The following ARID1B variants were observed in gnomAD, a reference collection of about 807,000 sequenced individuals.
ARID1B encodes the protein AT-rich interaction domain 1B.
In ARID1B, 30 loss-of-function variants were observed where a neutral mutation model predicts 212.3. The observed-to-expected ratio is 0.14, with a 90% CI of 0.11 to 0.19. The LOEUF is 0.19. Among genes scored for constraint, ARID1B ranks in the 10% least tolerant of loss-of-function variants. ARID1B has a pLI of 1.00. For missense variants in ARID1B, 2,891 were observed against 3,204.0 expected (o/e 0.90, Z 2.36); for synonymous variants, 1,402 against 1,301.7 (o/e 1.08, Z -1.66).
chr6:156,881,531 T>C (rs1044465374), intron 2 of ARID1B, among the ~76,000 whole-genome samples: 1 of 152,190 alleles, frequency 6.6e-6, no homozygotes, highest in Non-Finnish European at 1.5e-5. Context: ...AAATGGCATA[T>C]TGTCTTCGGT....
chr6:157,073,258 A>G (rs1310761775), intron 4 of ARID1B, among the ~76,000 whole-genome samples: 1 of 151,922 alleles, frequency 6.6e-6, no homozygotes, highest in African/African-American at 2.4e-5. Flanking sequence ...GTACACCACA[A>G]CACCTGCCTA....
At chr6:157,147,914 C>T in intron 7 of ARID1B, among the ~76,000 whole-genome samples, 1 of 117,536 alleles carries the variant, frequency 8.5e-6, no homozygotes, top group Non-Finnish European at 1.7e-5. Context: ...CGACCCTGCC[C>T]GCCCGCCCTC....
chr6:157,170,961 A>G (rs746411835), intron 9 of ARID1B, among the ~76,000 whole-genome samples: 4 of 152,162 alleles, frequency 2.6e-5, no homozygotes, highest in Non-Finnish European at 5.9e-5. Context: ...GAAATCAAAT[A>G]TTTTGCAGTC....
At chr6:156,839,996 C>G (rs1184066173) in intron 2 of ARID1B, among the ~76,000 whole-genome samples, 2 of 152,234 alleles carry the variant, frequency 1.3e-5, no homozygotes, top group Non-Finnish European at 2.9e-5. Context: ...GGAGGCAGAA[C>G]TTTGTGGTTG....
chr6:157,114,523 C>CAAAAAAAAAAAA (rs111845551), intron 6 of ARID1B, among the ~76,000 whole-genome samples: 13 of 50,408 alleles, frequency 2.6e-4, no homozygotes, highest in African/African-American at 8.7e-4. Flanking sequence ...CACTCCGTCT[C>CAAAAAAAAAAAA]AAAAAAAAAA....
At chr6:156,897,952 C>A (rs562419284) in intron 2 of ARID1B, among the ~76,000 whole-genome samples, 323 of 152,268 alleles carry the variant, frequency 2.1e-3, no homozygotes, top group Admixed American at 3.7e-3. Flanking sequence ...ACGCTCAGAT[C>A]CTTTTCCAGG....
intron 4 of ARID1B, among the ~76,000 whole-genome samples, chr6:157,052,810 C>G (rs1782695180): frequency 6.6e-6 from 1 of 152,100 alleles, no homozygotes; most frequent in South Asian, 2.1e-4. Context: ...ACCTCTGACT[C>G]TCTGGTTCAA....
chr6:157,080,085 T>G (rs1473369950), intron 4 of ARID1B, among the ~76,000 whole-genome samples: 3 of 152,182 alleles, frequency 2.0e-5, no homozygotes, highest in Non-Finnish European at 4.4e-5. Flanking sequence ...TTGAAATATC[T>G]TCTCTATTTC....
chr6:156,866,061 C>T (rs1486945474), intron 2 of ARID1B, among the ~76,000 whole-genome samples: 1 of 152,128 alleles, frequency 6.6e-6, no homozygotes, highest in Non-Finnish European at 1.5e-5. Flanking sequence ...CTGTGGGGAC[C>T]TTGGTGGGCT....
chr6:156,993,521 C>A (rs1778393200), intron 4 of ARID1B, among the ~76,000 whole-genome samples: 1 of 152,076 alleles, frequency 6.6e-6, no homozygotes, highest in Admixed American at 6.5e-5. Flanking sequence ...TACAGATAGA[C>A]GTGATGCTTG....
intron 6 of ARID1B, among the ~76,000 whole-genome samples, chr6:157,120,729 T>A (rs2128548275): frequency 6.6e-6 from 1 of 152,298 alleles, no homozygotes; most frequent in South Asian, 2.1e-4. Context: ...TTGAACTGGC[T>A]TGAAGAGACA....
intron 4 of ARID1B, among the ~76,000 whole-genome samples, chr6:157,048,621 A>C (rs377114304): frequency 8.5e-5 from 13 of 152,224 alleles, no homozygotes; most frequent in African/African-American, 2.9e-4. Flanking sequence ...TATTGAAGGA[A>C]TACATTGTCT....
chr6:157,120,565 C>T (rs748119015), intron 6 of ARID1B, among the ~76,000 whole-genome samples: 1 of 151,958 alleles, frequency 6.6e-6, no homozygotes, highest in Admixed American at 6.6e-5. Flanking sequence ...TTAAATGTAA[C>T]GAGAATATTT....
intron 7 of ARID1B, among the ~76,000 whole-genome samples, chr6:157,141,933 T>C (rs1277546385): frequency 3.3e-5 from 5 of 152,204 alleles, no homozygotes; most frequent in Non-Finnish European, 5.9e-5. Flanking sequence ...CCAAGAAAGA[T>C]GAAACATATT....
chr6:157,010,187 G>A (rs1245302699), intron 4 of ARID1B, among the ~76,000 whole-genome samples: 2 of 151,674 alleles, frequency 1.3e-5, no homozygotes, highest in Non-Finnish European at 2.9e-5. Context: ...TCTATCTTTG[G>A]GTAATCTTGA....
chr6:156,778,467 A>C lies in ARID1B; in HGVS notation c.787A>C (p.Ser263Arg), dbSNP rs1185988659. 7.5e-7 allele frequency: 1 copy of C among 1,325,294 alleles called. No homozygotes were observed. The highest frequency in any genetic ancestry group is 3.1e-5 in the East Asian group (1 of 32,264). The allele number at this position is 1,325,294 out of a possible 1,614,324, so 82.1% of individuals were successfully genotyped here. Residue 263 changes from serine (S) to arginine (R), a missense_variant, in exon 1 of 20, where the codon AGC becomes CGC. By Grantham distance (110) the Ser-to-Arg change is moderately radical (BLOSUM62 -1). Around this residue, in one of 7 missense-constraint regions of ARID1B, gnomAD observed 1,643 missense variants for 1,544.0 expected, o/e 1.06. Coordinates refer to ENST00000636930, the MANE Select transcript of ARID1B (RefSeq NM_001374828.1). The part of the protein sequence containing the change: ...QADPPGPPLL[S>R]KPGDEDDAPP... ...CGACCCCCCGGGCCCGCCGCTGCTG[A>C]GCAAGCCGGGCGACGAGGACGACGC... is the stretch of plus-strand genomic sequence containing the variant.
In ARID1B at chr6:156,928,281, G is replaced by T. The variant is rs138457744; in HGVS notation, c.2137-7185G>T. ...TTTGAGGAAGTCAGCAGCATTGACC[G>T]CAGTGCAGGTGTCTGCCATCGGATC... On this transcript the variant is annotated intron_variant, in intron 3 of 19. Transcript: ENST00000636930. 2.0e-5 allele frequency among the ~76,000 whole-genome samples: 3 copies of T among 152,290 alleles called. No homozygotes were observed. In the East Asian group the frequency reaches 5.8e-4, roughly 29 times the overall value.
chr6:157,060,226 T>C (rs117392303), intron 4 of ARID1B, among the ~76,000 whole-genome samples: 3,848 of 152,336 alleles, frequency 0.025, 82 homozygotes, highest in Middle Eastern at 0.037. Context: ...AGGTAAATTA[T>C]ATAGCATAGC....
chr6:156,791,727 C>G (rs1297581412), intron 1 of ARID1B, among the ~76,000 whole-genome samples: 1 of 152,092 alleles, frequency 6.6e-6, no homozygotes, highest in Non-Finnish European at 1.5e-5. Flanking sequence ...TCTACCTGGT[C>G]CAGGGTGAAA....
Sources: gnomAD v4.1 joint callset for allele counts (sites outside exome capture counted in the v4.1 genomes callset) on GRCh38, gnomAD v4.1.1 for gene constraint, gnomAD v4.1.1 regional missense constraint, MANE v1.5 for transcripts, NCBI Gene and HGNC (gene_info 2026-07-23, HGNC 2026-07-21) for gene names.